TMEM108: variants seen among roughly 807,000 people sequenced by gnomAD.
The protein encoded by TMEM108 is cancer/testis antigen 124.
A neutral mutation model predicts 35.1 loss-of-function variants in TMEM108; 12 were observed. The ratio of observed to expected loss-of-function variants is 0.34; its 90% CI spans 0.22 to 0.55. The LOEUF (loss-of-function observed/expected upper bound fraction) is 0.55, where lower values mean the gene tolerates loss of function less well. Among genes scored for constraint, TMEM108 ranks in the 20% least tolerant of loss-of-function variants. The probability of loss-of-function intolerance (pLI) is 0.89; values close to 1 mark genes in which losing one functional copy is unlikely to be tolerated. For missense variants in TMEM108, 680 were observed against 753.3 expected, an observed-to-expected ratio of 0.90 and a Z score of 1.14; for synonymous variants, 287 against 308.6, an observed-to-expected ratio of 0.93 and a Z score of 0.73.
chr3:133,070,745 ATGTGTG>A (rs10530634), intron 2 of TMEM108, among the ~76,000 whole-genome samples: 65 of 148,320 alleles, frequency 4.4e-4, no homozygotes, highest in Non-Finnish European at 8.2e-4. Context: ...TCTCTGATGT[ATGTGTG>A]TGTGTGTGTG....
chr3:133,043,495 T>TA (rs1943299337), intron 1 of TMEM108, among the ~76,000 whole-genome samples: 1 of 152,232 alleles, frequency 6.6e-6, no homozygotes, highest in Non-Finnish European at 1.5e-5. Context: ...TAATAATGTA[T>TA]ATGCGAGTAT....
chr3:133,286,857 C>T (rs776649302), intron 3 of TMEM108, among the ~76,000 whole-genome samples: 1 of 152,214 alleles, frequency 6.6e-6, no homozygotes, highest in Non-Finnish European at 1.5e-5. Flanking sequence ...ACTAAAAAAA[C>T]TTCTCTTATC....
chr3:133,338,305 A>G (rs2071558712), intron 3 of TMEM108, among the ~76,000 whole-genome samples: 1 of 152,214 alleles, frequency 6.6e-6, no homozygotes, highest in Non-Finnish European at 1.5e-5. Context: ...GGATGCTAAA[A>G]GCAGCAAGAG....
intron 2 of TMEM108, among the ~76,000 whole-genome samples, chr3:133,086,908 T>G (rs1943890290): frequency 6.6e-6 from 1 of 152,214 alleles, no homozygotes; most frequent in Admixed American, 6.5e-5. Context: ...AGGATCAGCA[T>G]GCTTTATAGT....
At chr3:133,341,305 C>G (rs928435381) in intron 3 of TMEM108, among the ~76,000 whole-genome samples, 5 of 151,728 alleles carry the variant, frequency 3.3e-5, no homozygotes, top group Non-Finnish European at 7.4e-5. Context: ...ATCCCATTTA[C>G]ATTAGCTACA....
At chr3:133,148,847 ATC>A (rs1944758217) in intron 2 of TMEM108, among the ~76,000 whole-genome samples, 1 of 151,966 alleles carries the variant, frequency 6.6e-6, no homozygotes, top group African/African-American at 2.4e-5. Context: ...AATAAATAAA[ATC>A]AGCCAGGCAT....
intron 1 of TMEM108, among the ~76,000 whole-genome samples, chr3:133,044,075 A>G (rs185476990): frequency 2.7e-4 from 41 of 152,218 alleles, no homozygotes; most frequent in African/African-American, 8.4e-4. Context: ...ACCTGCTGGC[A>G]TCTTTTTGGC....
intron 2 of TMEM108, among the ~76,000 whole-genome samples, chr3:133,184,636 ATTTT>A (rs59482996): frequency 6.6e-6 from 1 of 152,142 alleles, no homozygotes; most frequent in South Asian, 2.1e-4. Context: ...CCCTTCAGTC[ATTTT>A]TTTCTCATTT....
chr3:133,265,994 G>A (rs561134796), intron 3 of TMEM108, among the ~76,000 whole-genome samples: 3 of 152,188 alleles, frequency 2.0e-5, no homozygotes, highest in South Asian at 4.1e-4. Flanking sequence ...TAGGACAAAG[G>A]TTGTCTTTAC....
chr3:133,390,161 A>G lies in TMEM108; in HGVS notation c.1451-19A>G, dbSNP rs1188878318. ...CCTTGCTGCCTCCCTCTCCTCTCTG[A>G]CTTGCACTCTCTCCATAGCTGTCCT... On this transcript the variant is annotated intron_variant, in intron 4 of 5. Transcript: ENST00000321871. The G allele has an allele frequency of 6.2e-7, 1 of 1,613,846 alleles. No homozygotes were observed. The highest frequency in any genetic ancestry group is 1.7e-5 in the Admixed American group (1 of 60,012).
At chr3:133,209,566 T>C (rs1213230448) in intron 2 of TMEM108, among the ~76,000 whole-genome samples, 3 of 152,118 alleles carry the variant, frequency 2.0e-5, no homozygotes, top group Non-Finnish European at 4.4e-5. Context: ...TGGCACTCAG[T>C]ATTTTCCAAA....
intron 2 of TMEM108, among the ~76,000 whole-genome samples, chr3:133,103,430 T>C (rs1944113182): frequency 6.6e-6 from 1 of 152,098 alleles, no homozygotes; most frequent in Admixed American, 6.6e-5. Context: ...CTGGGACCTT[T>C]CAGAGGGTGG....
intron 2 of TMEM108, among the ~76,000 whole-genome samples, chr3:133,088,074 C>T (rs1344276914): frequency 1.3e-5 from 2 of 152,050 alleles, no homozygotes; most frequent in African/African-American, 4.8e-5. Context: ...TCAGTGGGGG[C>T]CGAAACATTT....
chr3:133,074,247 C>T (rs565343335), intron 2 of TMEM108: 2 of 152,072 alleles, frequency 1.3e-5, no homozygotes, highest in African/African-American at 4.8e-5. Context: ...TATTTATTTC[C>T]TTTTATCTTC....
intron 2 of TMEM108, among the ~76,000 whole-genome samples, chr3:133,117,193 A>G (rs1944298360): frequency 6.6e-6 from 1 of 152,252 alleles, no homozygotes; most frequent in Non-Finnish European, 1.5e-5. Context: ...ACAGCATCAA[A>G]CAAATATTAG....
At chr3:133,139,778 G>A (rs1944616294) in intron 2 of TMEM108, among the ~76,000 whole-genome samples, 1 of 152,172 alleles carries the variant, frequency 6.6e-6, no homozygotes, top group Non-Finnish European at 1.5e-5. Flanking sequence ...ACCTAGGCTA[G>A]CCTTGATGTT....
intron 3 of TMEM108, among the ~76,000 whole-genome samples, chr3:133,269,115 T>G (rs2107680736): frequency 6.6e-6 from 1 of 152,336 alleles, no homozygotes; most frequent in African/African-American, 2.4e-5. Flanking sequence ...GTGTCAATCT[T>G]TGTTTTTCCC....
chr3:133,101,734 A>G (rs1944090314), intron 2 of TMEM108, among the ~76,000 whole-genome samples: 1 of 152,258 alleles, frequency 6.6e-6, no homozygotes, highest in Admixed American at 6.5e-5. Flanking sequence ...GACATTGTTC[A>G]CCAATCCTTT....
At chr3:133,335,329 A>G (rs991190578) in intron 3 of TMEM108, among the ~76,000 whole-genome samples, 14 of 152,198 alleles carry the variant, frequency 9.2e-5, no homozygotes, top group African/African-American at 3.4e-4. Context: ...TAAAACAAAT[A>G]TATTTTTAAA....
Sources: gnomAD v4.1 joint callset for allele counts (sites outside exome capture counted in the v4.1 genomes callset) on GRCh38, gnomAD v4.1.1 for gene constraint, MANE v1.5 for transcripts, NCBI Gene and HGNC (gene_info 2026-07-23, HGNC 2026-07-21) for gene names.